Variants in PPP4R3A observed in about 807,000 individuals in gnomAD.
PPP4R3A encodes serine/threonine-protein phosphatase 4 regulatory subunit 3A.
In PPP4R3A, 15 loss-of-function variants were observed where a neutral mutation model predicts 91.7. That is an observed-to-expected ratio of 0.16 (90% CI 0.11 to 0.25). The LOEUF (loss-of-function observed/expected upper bound fraction) is 0.25. Among genes scored for constraint, PPP4R3A ranks in the 10% least tolerant of loss-of-function variants. The pLI, the probability that PPP4R3A is intolerant of heterozygous loss-of-function variation, is 1.00. For missense variants in PPP4R3A, 623 were observed against 998.4 expected, an observed-to-expected ratio of 0.62 and a Z score of 5.07; for synonymous variants, 377 against 348.7, an observed-to-expected ratio of 1.08 and a Z score of -0.91.
intron 4 of PPP4R3A, among the ~76,000 whole-genome samples, chr14:91,481,257 G>A (rs1455608313): frequency 2.0e-5 from 3 of 152,116 alleles, no homozygotes; most frequent in Non-Finnish European, 4.4e-5. Flanking sequence ...GTTTCAGCCA[G>A]GGAAGCGAAG....
intron 1 of PPP4R3A, 38 bp from the exon 2 acceptor site, chr14:91,490,840 AAAACAGCAAAATTATATTCCCT>A: frequency 7.2e-7 from 1 of 1,392,320 alleles, no homozygotes; most frequent in Non-Finnish European, 1.0e-6. Context: ...ATGTTACTGT[AAAACAGCAAAATTATATTCCCT>A]TACATACACA....
chr14:91,471,169 T>C (rs1175405587), intron 9 of PPP4R3A, among the ~76,000 whole-genome samples, 174 bp from the exon 10 acceptor site: 1 of 152,192 alleles, frequency 6.6e-6, no homozygotes, highest in Non-Finnish European at 1.5e-5. Context: ...GGAATGGTGC[T>C]TTACTTTTTT....
rs557542777 is a variant in PPP4R3A, at chr14:91,465,939, C to G, written c.1661-520G>C. Reference sequence around the variant, plus strand: ...AGAAAGGCCATCAACCCACAAAAATCTGCATGACCCAAAATTTGCCTTGCC... The same window carrying G: ...AGAAAGGCCATCAACCCACAAAAATGTGCATGACCCAAAATTTGCCTTGCC... On this transcript the variant is annotated intron_variant, in intron 10 of 14. Coordinates refer to ENST00000554943, the MANE Select transcript of PPP4R3A (RefSeq NM_001366432.2). 2.2e-4 allele frequency among the ~76,000 whole-genome samples: 33 copies of G among 152,264 alleles called. 1 individual carries two copies. In the Middle Eastern group the frequency reaches 0.01, roughly 47 times the overall value.
intron 14 of PPP4R3A, among the ~76,000 whole-genome samples, chr14:91,460,605 T>C (rs985020104): frequency 6.6e-6 from 1 of 151,888 alleles, no homozygotes; most frequent in Non-Finnish European, 1.5e-5. Context: ...TGAGATTGCA[T>C]GTTTTCTACA....
intron 14 of PPP4R3A, among the ~76,000 whole-genome samples, chr14:91,460,944 T>C (rs1888114567): frequency 6.6e-6 from 1 of 152,190 alleles, no homozygotes; most frequent in African/African-American, 2.4e-5. Flanking sequence ...TATGAAATGT[T>C]AGTGATAGTA....
chr14:91,502,168 C>A (rs1595090087), intron 1 of PPP4R3A, among the ~76,000 whole-genome samples: 1 of 152,018 alleles, frequency 6.6e-6, no homozygotes, highest in East Asian at 1.9e-4. Flanking sequence ...AGCTATAATC[C>A]TGGCTACTCA....
chr14:91,497,950 T>C lies in PPP4R3A; in HGVS notation c.143-7148A>G, dbSNP rs542517214. Among the ~76,000 whole-genome samples the C allele has an allele frequency of 3.3e-5, 5 of 152,212 alleles. No individual in the cohort carries two copies. In the South Asian group the frequency reaches 6.2e-4, roughly 19 times the overall value. Reference sequence around the variant, plus strand: ...TACATGCCTTTTCCACCATTAATTCTCTCAGAGTCTACACTGATACTGCCA... The same window carrying C: ...TACATGCCTTTTCCACCATTAATTCCCTCAGAGTCTACACTGATACTGCCA... On this transcript the variant is annotated intron_variant, in intron 1 of 14. Transcript: ENST00000554943.
chr14:91,492,500 C>T (rs144976718), intron 1 of PPP4R3A, among the ~76,000 whole-genome samples: 13 of 152,340 alleles, frequency 8.5e-5, no homozygotes, highest in Admixed American at 3.3e-4. Context: ...ATACCGAACA[C>T]AGTAAATTAA....
intron 1 of PPP4R3A, among the ~76,000 whole-genome samples, chr14:91,492,745 AG>A (rs1160199994): frequency 8.5e-5 from 13 of 152,318 alleles, no homozygotes; most frequent in African/African-American, 3.1e-4. Flanking sequence ...GTTTTGGCTT[AG>A]GACGCTCAGA....
intron 12 of PPP4R3A, 103 bp downstream of exon 12, chr14:91,462,632 A>G (rs1242150696): frequency 1.6e-6 from 2 of 1,288,220 alleles, no homozygotes; most frequent in Non-Finnish European, 2.2e-6. Context: ...CTATCTGCTG[A>G]TTTCCCTGTT....
chr14:91,509,387 C>T (rs918565592), intron 1 of PPP4R3A, 119 bp downstream of exon 1: 120 of 1,423,954 alleles, frequency 8.4e-5, no homozygotes, highest in Non-Finnish European at 1.1e-4. Context: ...CCCGAGGTGG[C>T]CGCCCTCCCC....
rs1887874835 is a variant in PPP4R3A, at chr14:91,458,065, C to G, written c.*694G>C. 6.6e-6 allele frequency: 1 copy of G among 152,094 alleles called. No homozygotes were observed. The highest frequency in any genetic ancestry group is 2.4e-5 in the African/African-American group (1 of 41,140). The allele number at this position is 152,094 out of a possible 1,614,324, so 9.4% of individuals were successfully genotyped here. A position where few individuals can be genotyped will look rare whatever the true frequency, so the allele number is the denominator to read the frequency against. On this transcript the variant is annotated 3_prime_UTR_variant, in exon 15 of 15. Transcript: ENST00000554943. ...CAAATATATATACTCAACAACTAAGCATACACTCAGGGGAGGAAAAAAAAA... is the reference window on the plus strand; with the variant it reads ...CAAATATATATACTCAACAACTAAGGATACACTCAGGGGAGGAAAAAAAAA...
chr14:91,473,629 A>G (rs1356628910), intron 7 of PPP4R3A, among the ~76,000 whole-genome samples: 4 of 152,352 alleles, frequency 2.6e-5, no homozygotes, highest in African/African-American at 9.6e-5. Context: ...GCAAAGTTTT[A>G]GTTTGGTGAT....
chr14:91,468,663 G>C (rs1304502495), intron 10 of PPP4R3A, among the ~76,000 whole-genome samples: 1 of 5,818 alleles, frequency 1.7e-4, no homozygotes, highest in African/African-American at 1.0e-3. Flanking sequence ...GTGAGACTCC[G>C]TCTCAAAAAA....
chr14:91,469,116 T>TAAAAAAA (rs34445337), intron 10 of PPP4R3A, among the ~76,000 whole-genome samples: 1 of 133,134 alleles, frequency 7.5e-6, no homozygotes, highest in Non-Finnish European at 1.6e-5. Context: ...ATTTTTTCTG[T>TAAAAAAA]AAAAAAAAAA....
At chr14:91,463,976 A>C (rs558952875) in intron 11 of PPP4R3A, among the ~76,000 whole-genome samples, 152 of 152,218 alleles carry the variant, frequency 1.0e-3, no homozygotes, top group Non-Finnish European at 1.6e-3. Context: ...TGTGTACTCA[A>C]AGTTTAGTTC....
intron 3 of PPP4R3A, 109 bp from the exon 4 acceptor site, chr14:91,482,302 AT>A (rs1889619340): frequency 8.5e-7 from 1 of 1,177,610 alleles, no homozygotes; most frequent in Non-Finnish European, 1.1e-6. Context: ...TATAATGGTC[AT>A]TTTCAAGACA....
chr14:91,461,977 T>G, intron 13 of PPP4R3A, 72 bp downstream of exon 13: 6 of 1,420,156 alleles, frequency 4.2e-6, no homozygotes, highest in Non-Finnish European at 5.5e-6. Context: ...AATAATCATT[T>G]TGTCAAGAAA....
At chr14:91,479,828 T>C (rs1214266832) in intron 4 of PPP4R3A, among the ~76,000 whole-genome samples, 2 of 152,210 alleles carry the variant, frequency 1.3e-5, no homozygotes, top group Non-Finnish European at 2.9e-5. Flanking sequence ...AGGCGTGAGC[T>C]ACCGCATCCA....
Sources: gnomAD v4.1 joint callset for allele counts (sites outside exome capture counted in the v4.1 genomes callset) on GRCh38, gnomAD v4.1.1 for gene constraint, MANE v1.5 for transcripts, NCBI Gene and HGNC (gene_info 2026-07-23, HGNC 2026-07-21) for gene names.